Variants in SLC16A1 observed in about 807,000 individuals in gnomAD.
The protein encoded by SLC16A1 is monocarboxylate transporter 1.
In SLC16A1, 11 loss-of-function variants were observed where a neutral mutation model predicts 32.2. The observed-to-expected ratio is 0.34, with a 90% CI of 0.21 to 0.56. The LOEUF (loss-of-function observed/expected upper bound fraction) is 0.56, where lower values mean the gene tolerates loss of function less well. SLC16A1 is among the 20% of genes least tolerant of loss of function. The probability of loss-of-function intolerance (pLI) is 0.87; values close to 1 mark genes in which losing one functional copy is unlikely to be tolerated. For synonymous variants in SLC16A1, 231 were observed against 226.8 expected (o/e 1.02, Z -0.17); for missense variants, 435 against 615.0 (o/e 0.71, Z 3.10).
chr1:112,917,478 T>A lies in SLC16A1; in HGVS notation c.928A>T (p.Met310Leu). ...FLLSILAFVD[M>L]VARPSMGLVA... ...AGTCCCATAGATGGTCGGGCTACCA[T>A]GTCAACAAAAGCCAGAATGGAAAGA... The change falls in exon 4 of 5, where the codon ATG (methionine) becomes TTG (leucine). Residue 310 changes from methionine (M) to leucine (L), a missense_variant. Coordinates refer to ENST00000369626, the MANE Select transcript of SLC16A1 (RefSeq NM_003051.4). This position sits in a 1 kb window ranked among gnomAD's most constrained non-coding sequence, Gnocchi z 4.1. The A allele has an allele frequency of 6.2e-7, 1 of 1,614,150 alleles. No homozygotes were observed. The highest frequency in any genetic ancestry group is 8.5e-7 in the Non-Finnish European group (1 of 1,180,040).
chr1:112,916,998 A>T, intron 4 of SLC16A1, 180 bp downstream of exon 4: 1 of 788,516 alleles, frequency 1.3e-6, no homozygotes, highest in Non-Finnish European at 2.1e-6. Flanking sequence ...GGTTCCATTT[A>T]ATTAGATTCT....
In SLC16A1 at chr1:112,913,766, T is replaced by C. The variant is rs1409239404; in HGVS notation, c.*125A>G. 4.2e-6 allele frequency: 5 copies of C among 1,193,232 alleles called. No individual in the cohort carries two copies. The highest frequency in any genetic ancestry group is 6.2e-6 in the Non-Finnish European group (5 of 809,160). The allele number at this position is 1,193,232 out of a possible 1,614,324, so 73.9% of individuals were successfully genotyped here. On this transcript the variant is annotated 3_prime_UTR_variant, in exon 5 of 5. Coordinates refer to ENST00000369626, the MANE Select transcript of SLC16A1 (RefSeq NM_003051.4). ...AACAAAAATCCCATCAATGAACAAC[T>C]GGTATGATTTCCACACAAATGTCTA...
At chr1:112,945,494 G>C (rs577937593) in intron 1 of SLC16A1, among the ~76,000 whole-genome samples, 2 of 151,228 alleles carry the variant, frequency 1.3e-5, no homozygotes, top group Non-Finnish European at 2.9e-5. Flanking sequence ...GGCCAACGTG[G>C]TGAAACCCCG....
intron 1 of SLC16A1, among the ~76,000 whole-genome samples, chr1:112,936,813 C>T (rs967109485): frequency 6.6e-6 from 1 of 152,180 alleles, no homozygotes; most frequent in African/African-American, 2.4e-5. Flanking sequence ...TATCTCTCAA[C>T]CTGAGGATGT....
intron 1 of SLC16A1, among the ~76,000 whole-genome samples, chr1:112,943,868 A>T (rs1428822085): frequency 6.6e-6 from 1 of 152,122 alleles, no homozygotes; most frequent in Non-Finnish European, 1.5e-5. Flanking sequence ...ATTTTTAAAA[A>T]GTATATCAGG....
chr1:112,914,223 C>G (rs1648425975), intron 4 of SLC16A1, 58 bp from the exon 5 acceptor site: 4 of 1,590,932 alleles, frequency 2.5e-6, no homozygotes, highest in Non-Finnish European at 3.4e-6. Flanking sequence ...TTTTTTTTCC[C>G]CCAAGCAAAG....
chr1:112,924,497 C>A (rs1270361480), intron 2 of SLC16A1, among the ~76,000 whole-genome samples: 1 of 152,072 alleles, frequency 6.6e-6, no homozygotes, highest in Non-Finnish European at 1.5e-5. Context: ...AAGAATGAAA[C>A]CTCCTGGGGT....
chr1:112,930,779 C>A (rs1649100491), intron 1 of SLC16A1, among the ~76,000 whole-genome samples: 1 of 147,308 alleles, frequency 6.8e-6, no homozygotes, highest in African/African-American at 2.6e-5. Context: ...GGCTGGAGTG[C>A]AATAGCAAGA....
intron 1 of SLC16A1, chr1:112,955,451 C>T (rs1466551658): frequency 1.3e-5 from 2 of 152,260 alleles, no homozygotes; most frequent in African/African-American, 4.8e-5. Flanking sequence ...CTGCCCCGTC[C>T]CCTCCGCAAA....
intron 1 of SLC16A1, among the ~76,000 whole-genome samples, chr1:112,951,205 AT>A (rs891943927): frequency 2.6e-5 from 4 of 152,128 alleles, no homozygotes; most frequent in African/African-American, 9.7e-5. Context: ...AGAGAAAAAT[AT>A]ATAAACTAGG....
Position 112,914,110 on chromosome 1 carries a change from G to T in SLC16A1, c.1284C>A (p.Val428=). 2 of 1,614,164 alleles carry T rather than the reference G, an allele frequency of 1.2e-6. No homozygotes were observed. The change falls in exon 5 of 5, where the codon GTC becomes GTA. Residue 428 remains valine, a synonymous_variant. Coordinates refer to ENST00000369626, the MANE Select transcript of SLC16A1 (RefSeq NM_003051.4). ...GATAGATACCTGAAATAATTAGGACGACGCCACATGCCCAGTATGTGTATT... is the reference window on the plus strand; with the variant it reads ...GATAGATACCTGAAATAATTAGGACTACGCCACATGCCCAGTATGTGTATT... ...DYKYTYWACG[V]VLIISGIYLF...
At chr1:112,922,855 G>A (rs1277002799) in intron 2 of SLC16A1, among the ~76,000 whole-genome samples, 3 of 152,196 alleles carry the variant, frequency 2.0e-5, no homozygotes, top group African/African-American at 7.2e-5. Context: ...AGTGATAGGA[G>A]ACGTATAAAT....
chr1:112,917,428 T>A lies in SLC16A1; in HGVS notation c.978A>T (p.Arg326Ser). 3 of 1,614,100 alleles carry A rather than the reference T, an allele frequency of 1.9e-6. No homozygotes were observed. Among genetic ancestry groups the A allele is most frequent in the Non-Finnish European group, 2.5e-6 (3 of 1,180,028 alleles). Residue 326 changes from arginine (R) to serine (S), a missense_variant, in exon 4 of 5, where the codon AGA (arginine) becomes AGT (serine). Around this residue, in one of 2 missense-constraint regions of SLC16A1, gnomAD observed 324 missense variants for 500.3 expected, o/e 0.65. Transcript: ENST00000369626. The surrounding 1 kb of genome is among the most constrained non-coding windows in gnomAD (Gnocchi z 4.1). ...CCGCAAAGAAATACTGAATTCGAGG[T>A]CTTATTGGCTTTGTGTTGGCTACAA... ...MGLVANTKPI[R>S]PRIQYFFAAS...
At position 112,914,040 on chromosome 1, in the gene SLC16A1, G is replaced by T. The variant is rs748247375; in HGVS notation, c.1354C>A (p.Gln452Lys). ...GINYRLLAKE[Q>K]KANEQKKESK... is the part of the protein sequence containing the mutation. Reference sequence around the variant, plus strand: ...TCCTTTTTCTGCTCGTTTGCTTTCTGTTCTTTTGCCAAAAGTCGATAATTG... The same window carrying T: ...TCCTTTTTCTGCTCGTTTGCTTTCTTTTCTTTTGCCAAAAGTCGATAATTG... The change falls in exon 5 of 5, where the codon CAG becomes AAG. Residue 452 changes from glutamine (Q) to lysine (K), a missense_variant. This residue lies in a region of SLC16A1 where 111 missense variants were observed against 114.7 expected (regional missense o/e 0.97). Transcript: ENST00000369626. 1.2e-6 allele frequency: 2 copies of T among 1,614,060 alleles called. No individual in the cohort carries two copies.
chr1:112,924,031 G>A (rs3951507), intron 2 of SLC16A1: 1 of 1,305,966 alleles, frequency 7.7e-7, no homozygotes, highest in African/African-American at 1.5e-5. Flanking sequence ...GGGACTCAAT[G>A]GGCAGAGATC....
chr1:112,946,655 G>C (rs1481443813), intron 1 of SLC16A1, among the ~76,000 whole-genome samples: 1 of 152,184 alleles, frequency 6.6e-6, no homozygotes, highest in Non-Finnish European at 1.5e-5. Flanking sequence ...TCGGGCTCAA[G>C]CAATTCTCCT....
At chr1:112,932,367 T>A (rs1462146457) in intron 1 of SLC16A1, among the ~76,000 whole-genome samples, 1 of 152,108 alleles carries the variant, frequency 6.6e-6, no homozygotes, top group Admixed American at 6.5e-5. Context: ...AGACCCTACC[T>A]CTACATAAAT....
rs1431333370 is a variant in SLC16A1 at position 112,923,879 on chromosome 1, G to A, written c.218-1746C>T. On this transcript the variant is annotated intron_variant, in intron 2 of 4. Coordinates refer to ENST00000369626, the MANE Select transcript of SLC16A1 (RefSeq NM_003051.4). Reference sequence around the variant, plus strand: ...AGGGCATGTACAACGCCACCACCCAGCAGGTGAAAACGGAGCTCTTCCCCT... The same window carrying A: ...AGGGCATGTACAACGCCACCACCCAACAGGTGAAAACGGAGCTCTTCCCCT... The A allele has an allele frequency of 2.6e-6, 4 of 1,520,128 alleles. No homozygotes were observed. In the African/African-American group the frequency reaches 5.5e-5, roughly 21 times the overall value. The allele number at this position is 1,520,128 out of a possible 1,614,324, so 94.2% of individuals were successfully genotyped here. A position where few individuals can be genotyped will look rare whatever the true frequency, so the allele number is the denominator to read the frequency against.
intron 1 of SLC16A1, among the ~76,000 whole-genome samples, chr1:112,949,649 A>G (rs1020057764): frequency 6.6e-6 from 1 of 152,108 alleles, no homozygotes; most frequent in African/African-American, 2.4e-5. Context: ...GCCATTTAGT[A>G]AAACTTATGG....
Sources: gnomAD v4.1 joint callset for allele counts (sites outside exome capture counted in the v4.1 genomes callset) on GRCh38, gnomAD v4.1.1 for gene constraint, gnomAD v4.1.1 regional missense constraint, Gnocchi (gnomAD v3.1) non-coding constraint, MANE v1.5 for transcripts, NCBI Gene and HGNC (gene_info 2026-07-23, HGNC 2026-07-21) for gene names.